Variants in MACROD2 observed in about 807,000 individuals in gnomAD.
MACROD2 encodes mono-ADP ribosylhydrolase 2.
MACROD2 carries 36 observed loss-of-function variants against 70.4 expected under a neutral mutation model. That is an observed-to-expected ratio of 0.51 (90% CI 0.39 to 0.68). MACROD2 has a LOEUF of 0.68. Among genes scored for constraint, MACROD2 ranks in the 30% least tolerant of loss-of-function variants. The probability of loss-of-function intolerance (pLI) is 0.00; values close to 1 mark genes in which losing one functional copy is unlikely to be tolerated. For missense variants in MACROD2, 496 were observed against 538.4 expected, an observed-to-expected ratio of 0.92 and a Z score of 0.78; for synonymous variants, 172 against 178.8, an observed-to-expected ratio of 0.96 and a Z score of 0.30.
intron 7 of MACROD2, among the ~76,000 whole-genome samples, chr20:15,457,498 T>G (rs1306533299): frequency 6.6e-6 from 1 of 152,144 alleles, no homozygotes; most frequent in Non-Finnish European, 1.5e-5. Flanking sequence ...ATAAGGCAAC[T>G]GGATTTGCCT....
chr20:14,332,332 T>C (rs1257339742), intron 3 of MACROD2, among the ~76,000 whole-genome samples: 1 of 152,112 alleles, frequency 6.6e-6, no homozygotes, highest in Non-Finnish European at 1.5e-5. Flanking sequence ...AAGTTGTATC[T>C]GAATAGAAAA....
intron 6 of MACROD2, among the ~76,000 whole-genome samples, chr20:15,411,610 A>G (rs989521063): frequency 6.6e-6 from 1 of 152,238 alleles, no homozygotes; most frequent in Non-Finnish European, 1.5e-5. Flanking sequence ...GTTTAGCCTA[A>G]TAAGATTGGT....
chr20:15,328,835 A>G (rs545496827), intron 6 of MACROD2, among the ~76,000 whole-genome samples: 9 of 152,284 alleles, frequency 5.9e-5, no homozygotes, highest in Admixed American at 3.3e-4. Flanking sequence ...AAAGAAAATT[A>G]TCTAAAATTC....
intron 8 of MACROD2, among the ~76,000 whole-genome samples, chr20:15,521,477 C>T (rs1403013608): frequency 6.6e-6 from 1 of 152,108 alleles, no homozygotes; most frequent in African/African-American, 2.4e-5. Flanking sequence ...TTTTTAGTGA[C>T]TTTGAAGCCG....
intron 3 of MACROD2, among the ~76,000 whole-genome samples, chr20:14,346,536 C>T (rs953729604): frequency 3.3e-5 from 5 of 152,310 alleles, no homozygotes; most frequent in African/African-American, 1.2e-4. Flanking sequence ...TGTATTCTAA[C>T]AAAAACATGG....
chr20:15,809,420 G>A (rs138966529), intron 8 of MACROD2, among the ~76,000 whole-genome samples: 1 of 152,178 alleles, frequency 6.6e-6, no homozygotes, highest in Non-Finnish European at 1.5e-5. Context: ...GGTTCTGCAG[G>A]CTGTACAAGA....
intron 17 of MACROD2, among the ~76,000 whole-genome samples, chr20:16,048,492 A>G (rs1236708765): frequency 6.6e-6 from 1 of 152,194 alleles, no homozygotes; most frequent in Non-Finnish European, 1.5e-5. Context: ...AGAGTTCTAC[A>G]AGGAGACTAG....
At chr20:14,916,420 A>G (rs1568872954) in intron 5 of MACROD2, among the ~76,000 whole-genome samples, 1 of 152,208 alleles carries the variant, frequency 6.6e-6, no homozygotes. Context: ...CGAAAAATCC[A>G]GGCTCTGCCA....
At chr20:14,311,917 C>T (rs1424441576) in intron 3 of MACROD2, among the ~76,000 whole-genome samples, 6 of 151,278 alleles carry the variant, frequency 4.0e-5, no homozygotes, top group Non-Finnish European at 8.9e-5. Flanking sequence ...TTCCAATTAA[C>T]CTTTGTACAC....
At chr20:15,420,956 TGCGTG>T (rs2046219776) in intron 6 of MACROD2, among the ~76,000 whole-genome samples, 1 of 152,098 alleles carries the variant, frequency 6.6e-6, no homozygotes, top group Non-Finnish European at 1.5e-5. Flanking sequence ...GGCATAGTGG[TGCGTG>T]CCTATGGTCC....
chr20:15,414,791 A>G (rs1426820932), intron 6 of MACROD2, among the ~76,000 whole-genome samples: 2 of 152,196 alleles, frequency 1.3e-5, no homozygotes, highest in African/African-American at 4.8e-5. Context: ...CTGAAGTAGA[A>G]TTATTTTCTA....
chr20:14,025,942 G>A (rs2053157177), intron 2 of MACROD2, among the ~76,000 whole-genome samples: 1 of 152,054 alleles, frequency 6.6e-6, no homozygotes, highest in African/African-American at 2.4e-5. Flanking sequence ...TTGACAGTGG[G>A]GTGTTAAAGT....
In MACROD2 at chr20:14,072,325, TAGAC is replaced by T. The variant is rs1177773110; in HGVS notation, c.164-13293_164-13290del. On this transcript the variant is annotated intron_variant, in intron 2 of 17. Coordinates refer to ENST00000684519, the MANE Select transcript of MACROD2 (RefSeq NM_001351661.2). ...TGCCACTAAAGGAAGAGATAGGACT[TAGAC>T]AGTTCATTCACAGATGGACTCTTTG... Among the ~76,000 whole-genome samples the T allele has an allele frequency of 3.4e-4, 52 of 152,214 alleles. No homozygotes were observed. The East Asian group carries it at 9.9e-3, about 29-fold the overall frequency.
chr20:14,766,185 C>T (rs79301142), intron 5 of MACROD2, among the ~76,000 whole-genome samples: 4,518 of 152,046 alleles, frequency 0.03, 194 homozygotes, highest in East Asian at 0.11. Flanking sequence ...TTTATTCTCA[C>T]GGGTAGTCGG....
At chr20:16,043,324 C>A (rs1338923631) in intron 16 of MACROD2, among the ~76,000 whole-genome samples, 1 of 152,006 alleles carries the variant, frequency 6.6e-6, no homozygotes, top group East Asian at 1.9e-4. Context: ...AGTCACTGAC[C>A]AAGTCCTGAC....
intron 2 of MACROD2, among the ~76,000 whole-genome samples, chr20:14,060,441 A>G (rs2053679142): frequency 6.6e-6 from 1 of 152,146 alleles, no homozygotes. Context: ...TAAGGCTTCC[A>G]TTAAGAATGT....
At chr20:14,304,541 T>C (rs1253062191) in intron 3 of MACROD2, among the ~76,000 whole-genome samples, 1 of 152,266 alleles carries the variant, frequency 6.6e-6, no homozygotes, top group Non-Finnish European at 1.5e-5. Context: ...TAGATCATTA[T>C]ACATTGATGA....
intron 5 of MACROD2, among the ~76,000 whole-genome samples, chr20:15,128,685 A>C (rs993203827): frequency 7.9e-5 from 12 of 152,080 alleles, no homozygotes; most frequent in African/African-American, 2.9e-4. Context: ...TCTAAGGCTA[A>C]GTTAGGTTTG....
At chr20:15,893,205 C>T (rs1454092809) in intron 10 of MACROD2, among the ~76,000 whole-genome samples, 1 of 152,126 alleles carries the variant, frequency 6.6e-6, no homozygotes, top group Non-Finnish European at 1.5e-5. Flanking sequence ...TAAGGTAAAA[C>T]CCAAATTTTA....
Sources: gnomAD v4.1 joint callset for allele counts (sites outside exome capture counted in the v4.1 genomes callset) on GRCh38, gnomAD v4.1.1 for gene constraint, MANE v1.5 for transcripts, NCBI Gene and HGNC (gene_info 2026-07-23, HGNC 2026-07-21) for gene names.